Variants in DCDC2C observed in about 807,000 individuals in gnomAD.
DCDC2C encodes the protein doublecortin domain-containing protein 2C.
A neutral mutation model predicts 45.0 loss-of-function variants in DCDC2C; 44 were observed. The ratio of observed to expected loss-of-function variants is 0.98; its 90% confidence interval spans 0.77 to 1.26. The LOEUF is 1.26. Among genes scored for constraint, DCDC2C ranks in the 50% most tolerant of loss-of-function variants. DCDC2C has a pLI of 0.00. For missense variants in DCDC2C, 447 were observed against 468.9 expected (o/e 0.95, Z 0.43); for synonymous variants, 187 against 178.8 (o/e 1.05, Z -0.37).
chr2:3,843,284 G>T (rs1672257380), intron 10 of DCDC2C, among the ~76,000 whole-genome samples: 1 of 152,160 alleles, frequency 6.6e-6, no homozygotes, highest in Non-Finnish European at 1.5e-5. Context: ...AGTGGATATG[G>T]GTGGCGAGAA....
chr2:3,832,220 C>G (rs1161901544), intron 10 of DCDC2C, among the ~76,000 whole-genome samples: 2 of 152,150 alleles, frequency 1.3e-5, no homozygotes, highest in African/African-American at 4.8e-5. Flanking sequence ...GTTGAATTTC[C>G]CAGCAAATTT....
At chr2:3,846,226 C>T (rs1314831929) in intron 10 of DCDC2C, among the ~76,000 whole-genome samples, 2 of 151,452 alleles carry the variant, frequency 1.3e-5, no homozygotes, top group Non-Finnish European at 2.9e-5. Flanking sequence ...CTTCCCTCTT[C>T]TTCTCTCCTC....
At chr2:3,837,799 T>C (rs2148242301) in intron 10 of DCDC2C, among the ~76,000 whole-genome samples, 1 of 152,234 alleles carries the variant, frequency 6.6e-6, no homozygotes, top group South Asian at 2.1e-4. Flanking sequence ...GCCAGCCGTG[T>C]GGAGTCCGTG....
chr2:3,819,306 A>G (rs1671631988), intron 10 of DCDC2C, among the ~76,000 whole-genome samples: 1 of 152,208 alleles, frequency 6.6e-6, no homozygotes, highest in South Asian at 2.1e-4. Flanking sequence ...GTGGCTTAGG[A>G]GGAATCCCGG....
chr2:3,722,429 C>G (rs911016154), intron 2 of DCDC2C, among the ~76,000 whole-genome samples: 6 of 152,204 alleles, frequency 3.9e-5, no homozygotes, highest in Admixed American at 2.0e-4. Flanking sequence ...GGTATGAATG[C>G]AGGTAAAGAG....
chr2:3,836,479 A>G (rs1672078308), intron 10 of DCDC2C, among the ~76,000 whole-genome samples: 2 of 152,228 alleles, frequency 1.3e-5, no homozygotes, highest in African/African-American at 2.4e-5. Context: ...TAGTATTAAC[A>G]GTTAAATAGT....
chr2:3,710,917 T>A (rs1668191351), intron 2 of DCDC2C, among the ~76,000 whole-genome samples: 1 of 152,204 alleles, frequency 6.6e-6, no homozygotes, highest in Admixed American at 6.5e-5. Flanking sequence ...CTGCAATGAA[T>A]GTATGAGTGC....
chr2:3,840,663 T>C (rs923864798), intron 10 of DCDC2C, among the ~76,000 whole-genome samples: 1 of 152,234 alleles, frequency 6.6e-6, no homozygotes, highest in Non-Finnish European at 1.5e-5. Flanking sequence ...AGCTTACTAA[T>C]GTCTGGATTT....
At chr2:3,793,421 G>A (rs2148192660) in intron 10 of DCDC2C, among the ~76,000 whole-genome samples, 1 of 152,306 alleles carries the variant, frequency 6.6e-6, no homozygotes, top group Non-Finnish European at 1.5e-5. Context: ...GTCCAAATGT[G>A]TGTCACATAC....
At chr2:3,780,599 T>G (rs980645552) in intron 9 of DCDC2C, among the ~76,000 whole-genome samples, 14 of 152,184 alleles carry the variant, frequency 9.2e-5, no homozygotes, top group African/African-American at 3.4e-4. Context: ...CAGCCATACC[T>G]TGGTTCTCTT....
intron 3 of DCDC2C, among the ~76,000 whole-genome samples, chr2:3,739,481 A>G (rs1669131980): frequency 6.6e-6 from 1 of 152,242 alleles, no homozygotes; most frequent in Admixed American, 6.5e-5. Flanking sequence ...GGAGGAGCAC[A>G]TCGGCGGAGG....
At chr2:3,779,021 G>A (rs547979045) in intron 9 of DCDC2C, 137 bp downstream of exon 9, 4 of 816,538 alleles carry the variant, frequency 4.9e-6, no homozygotes, top group African/African-American at 1.7e-5. Context: ...AATCGGAAGC[G>A]AGTGCATTTC....
In DCDC2C at chr2:3,746,821, C is replaced by T. The variant is rs188743888; in HGVS notation, c.545+4773C>T. Among the ~76,000 whole-genome samples the T allele has an allele frequency of 3.3e-5, 5 of 152,200 alleles. No homozygotes were observed. In the East Asian group the frequency reaches 9.7e-4, roughly 29 times the overall value. Reference sequence around the variant, plus strand: ...TTGAGCCCTGGGGGAGTTCTCAGAGCAGAAGGCGTTGAGAGGAGTTGAAGA... The same window carrying T: ...TTGAGCCCTGGGGGAGTTCTCAGAGTAGAAGGCGTTGAGAGGAGTTGAAGA... On this transcript the variant is annotated intron_variant, in intron 4 of 10. Transcript: ENST00000399143.
In DCDC2C at chr2:3,727,009, C is replaced by T. The variant is rs1319117399; in HGVS notation, c.346C>T (p.Pro116Ser). 1 of 1,550,376 alleles carries T rather than the reference C, an allele frequency of 6.5e-7. No homozygotes were observed. The highest frequency in any genetic ancestry group is 8.7e-7 in the Non-Finnish European group (1 of 1,146,896). ...GTGTTTTTTCCTTTTTCAGATCAAA[C>T]CAGTGGTGCATTGTGATATAAATGT... ...AKIRKLKEIK[P>S]VVHCDINVPS... is the part of the protein sequence containing the mutation. The change falls in exon 3 of 11, where the codon CCA becomes TCA. Residue 116 changes from proline to serine, a missense_variant. Pro to Ser is a moderately conservative substitution (Grantham distance 74). Transcript: ENST00000399143.
chr2:3,742,701 G>A (rs1027017002), intron 4 of DCDC2C, among the ~76,000 whole-genome samples: 2 of 152,218 alleles, frequency 1.3e-5, no homozygotes, highest in East Asian at 3.8e-4. Context: ...TGCATAGTAG[G>A]CGTGAAATGG....
intron 10 of DCDC2C, among the ~76,000 whole-genome samples, chr2:3,786,326 T>C (rs1458246431): frequency 6.9e-6 from 1 of 144,390 alleles, no homozygotes; most frequent in Admixed American, 6.8e-5. Context: ...GTGTCCCGCC[T>C]GTGCACGGAG....
intron 4 of DCDC2C, among the ~76,000 whole-genome samples, chr2:3,748,706 G>A (rs1669447584): frequency 6.6e-6 from 1 of 152,142 alleles, no homozygotes; most frequent in African/African-American, 2.4e-5. Context: ...TGGTGTTGGA[G>A]GAGGCACCTG....
At chr2:3,798,140 CT>C (rs1671012165) in intron 10 of DCDC2C, among the ~76,000 whole-genome samples, 1 of 151,724 alleles carries the variant, frequency 6.6e-6, no homozygotes, top group Non-Finnish European at 1.5e-5. Flanking sequence ...TTCTTTGTCT[CT>C]TTTGATCTTT....
At chr2:3,712,975 G>A (rs1668254410) in intron 2 of DCDC2C, among the ~76,000 whole-genome samples, 1 of 152,174 alleles carries the variant, frequency 6.6e-6, no homozygotes, top group African/African-American at 2.4e-5. Context: ...AACCATGTGA[G>A]TGAGGCAGAG....
Sources: allele counts gnomAD v4.1 joint callset (sites outside exome capture counted in the v4.1 genomes callset), GRCh38; gene constraint gnomAD v4.1.1; transcripts MANE v1.5; gene names NCBI Gene and HGNC (gene_info 2026-07-23, HGNC 2026-07-21).